Variants in SMG7 observed in about 807,000 individuals in gnomAD.
SMG7 encodes the protein SMG7 nonsense mediated mRNA decay factor.
Under a neutral mutation model 148.2 loss-of-function variants are expected in SMG7, and 34 were observed. The observed-to-expected ratio is 0.23, with a 90% CI of 0.17 to 0.31. The LOEUF is 0.31. Ranked by LOEUF, SMG7 falls within the 10% of genes least tolerant of loss-of-function variation. The pLI, the probability that SMG7 is intolerant of heterozygous loss-of-function variation, is 1.00. For synonymous variants in SMG7, 492 were observed against 515.1 expected (o/e 0.96, Z 0.61); for missense variants, 1,114 against 1,408.4 (o/e 0.79, Z 3.35).
chr1:183,477,330 T>G (rs927843893), intron 1 of SMG7, among the ~76,000 whole-genome samples: 1 of 152,196 alleles, frequency 6.6e-6, no homozygotes, highest in African/African-American at 2.4e-5. Context: ...TTCAGTGAGA[T>G]CCACTTGAAG....
At chr1:183,478,758 G>A (rs556110752) in intron 1 of SMG7, among the ~76,000 whole-genome samples, 1 of 152,156 alleles carries the variant, frequency 6.6e-6, no homozygotes. Context: ...TCAAATTTTT[G>A]TATTAGTGTC....
At chr1:183,549,019 C>T (rs1398065130) in intron 18 of SMG7, 189 bp from the exon 19 acceptor site, 9 of 587,512 alleles carry the variant, frequency 1.5e-5, no homozygotes, top group Non-Finnish European at 2.4e-5. Flanking sequence ...GGATTCTATG[C>T]ACCTGTGGCA....
chr1:183,505,534 T>G (rs1320772683), intron 1 of SMG7, among the ~76,000 whole-genome samples: 2 of 152,224 alleles, frequency 1.3e-5, no homozygotes, highest in Non-Finnish European at 2.9e-5. Flanking sequence ...TCTCATGGTT[T>G]TAACTGCCAT....
rs1359095261 is a variant in SMG7, at chr1:183,527,988, T to G, written c.517T>G (p.Ser173Ala). ...CAGAAACCAGACCAGCCAGGCAGAG[T>G]CCTACTATAGGCATGCAGCTCAGCT... is the stretch of plus-strand genomic sequence containing the variant. ...RYRNQTSQAE[S>A]YYRHAAQLVP... The change falls in exon 6 of 23, where the codon TCC becomes GCC. Residue 173 changes from serine (S) to alanine (A), a missense_variant. By Grantham distance (99) the Ser-to-Ala change is moderately conservative. Coordinates refer to ENST00000688051, the MANE Select transcript of SMG7 (RefSeq NM_001375584.1). The surrounding 1 kb of genome is among the most constrained non-coding windows in gnomAD (Gnocchi z 4.0). The G allele has an allele frequency of 1.4e-5, 23 of 1,613,354 alleles. No individual in the cohort carries two copies. The highest frequency in any genetic ancestry group is 1.9e-5 in the Non-Finnish European group (23 of 1,179,614).
intron 1 of SMG7, among the ~76,000 whole-genome samples, chr1:183,477,623 C>T (rs1362719568): frequency 1.1e-5 from 1 of 88,432 alleles, no homozygotes; most frequent in Non-Finnish European, 2.3e-5. Context: ...TACGTGTGTG[C>T]ATATGTGTAT....
In SMG7 at chr1:183,545,208, A is replaced by G. The variant is rs776713217; in HGVS notation, c.2266A>G (p.Thr756Ala). ...SLPAQPTAQS[T>A]SQLQVQALTQ... ...ACCAGCTCAGCCAACAGCACAGTCT[A>G]CAAGCCAGCTGCAGGTTCAAGCTCT... Residue 756 changes from threonine (T) to alanine (A), a missense_variant, in exon 16 of 23, where the codon ACA becomes GCA. By Grantham distance (58) the Thr-to-Ala change is moderately conservative. Around this residue, in one of 4 missense-constraint regions of SMG7, gnomAD observed 788 missense variants for 894.5 expected, o/e 0.88. Transcript: ENST00000688051. The G allele has an allele frequency of 6.2e-6, 10 of 1,614,008 alleles. No individual in the cohort carries two copies. The highest frequency in any genetic ancestry group is 1.7e-5 in the Admixed American group (1 of 60,002).
chr1:183,504,490 G>A (rs563821929), intron 1 of SMG7, among the ~76,000 whole-genome samples: 19 of 151,880 alleles, frequency 1.3e-4, no homozygotes, highest in African/African-American at 3.4e-4. Context: ...ACAGGCACCC[G>A]TCACCATGCC....
Position 183,552,360 on chromosome 1 carries a change from G to A in SMG7, c.*429G>A, listed in dbSNP as rs1307034415. On this transcript the variant is annotated 3_prime_UTR_variant, in exon 23 of 23. Coordinates refer to ENST00000688051, the MANE Select transcript of SMG7 (RefSeq NM_001375584.1). ...TCCATTAATGATTGCTTTGCTGACT[G>A]AGAATGTAGTTGAAATTATTCTTAA... 1.0e-6 allele frequency: 1 copy of A among 988,934 alleles called. No homozygotes were observed. Among genetic ancestry groups the A allele is most frequent in the Non-Finnish European group, 1.2e-6 (1 of 833,876 alleles). The allele number at this position is 988,934 out of a possible 1,614,324, so 61.3% of individuals were successfully genotyped here. A position where few individuals can be genotyped will look rare whatever the true frequency, so the allele number is the denominator to read the frequency against.
Position 183,500,585 on chromosome 1 carries a change from A to G in SMG7, c.30-12252A>G, listed in dbSNP as rs1659505622. On this transcript the variant is annotated intron_variant, in intron 1 of 22. Transcript: ENST00000688051. ...TGAATAGGACAGTTTCTAGTGAAGG[A>G]AATGTGTACACAAATAACTTTATTG... Among the ~76,000 whole-genome samples, 3 of 152,310 alleles carry G rather than the reference A, an allele frequency of 2.0e-5. No individual in the cohort carries two copies. In the South Asian group the frequency reaches 6.2e-4, roughly 32 times the overall value.
At chr1:183,541,925 A>G in intron 13 of SMG7, 151 bp from the exon 14 acceptor site, 1 of 649,398 alleles carries the variant, frequency 1.5e-6, no homozygotes, top group Non-Finnish European at 2.6e-6. Flanking sequence ...CTACATAACT[A>G]CTTTTTGTGT....
intron 4 of SMG7, among the ~76,000 whole-genome samples, chr1:183,523,976 T>TA (rs1295612854): frequency 3.3e-5 from 5 of 150,714 alleles, no homozygotes; most frequent in Non-Finnish European, 5.9e-5. Flanking sequence ...CATATATATA[T>TA]TTTTTTTGTT....
chr1:183,552,690 C>T lies in SMG7; in HGVS notation c.*759C>T. 8.3e-7 allele frequency: 1 copy of T among 1,209,132 alleles called. No homozygotes were observed. Among genetic ancestry groups the T allele is most frequent in the African/African-American group, 1.6e-5 (1 of 64,508 alleles). The allele number at this position is 1,209,132 out of a possible 1,614,324, so 74.9% of individuals were successfully genotyped here. ...ATACAGTGTGGGTGGTGGTGCTGGG[C>T]TGGACTAGCAGGTAGACTGCTGTAG... On this transcript the variant is annotated 3_prime_UTR_variant, in exon 23 of 23. Transcript: ENST00000688051.
intron 1 of SMG7, among the ~76,000 whole-genome samples, chr1:183,507,707 C>T (rs1198629361): frequency 6.6e-6 from 1 of 152,106 alleles, no homozygotes; most frequent in Non-Finnish European, 1.5e-5. Flanking sequence ...ACCTATACTA[C>T]CTCTTCTGTA....
chr1:183,491,838 G>T (rs1657113610), intron 1 of SMG7, among the ~76,000 whole-genome samples: 1 of 152,208 alleles, frequency 6.6e-6, no homozygotes, highest in South Asian at 2.1e-4. Context: ...GGCAGGTTCG[G>T]TGCTGGCAAG....
At position 183,552,809 on chromosome 1, in the gene SMG7, G is replaced by A. The variant is rs922537534; in HGVS notation, c.*878G>A. The A allele has an allele frequency of 9.1e-6, 13 of 1,424,874 alleles. No individual in the cohort carries two copies. The highest frequency in any genetic ancestry group is 2.6e-4 in the Middle Eastern group (1 of 3,860). 88.3% of individuals were successfully genotyped at this position (1,424,874 alleles called of 1,614,324 possible). A position where few individuals can be genotyped will look rare whatever the true frequency, so the allele number is the denominator to read the frequency against. On this transcript the variant is annotated 3_prime_UTR_variant, in exon 23 of 23. Coordinates refer to ENST00000688051, the MANE Select transcript of SMG7 (RefSeq NM_001375584.1). The stretch of plus-strand genomic sequence containing the variant: ...GGCTAGTCCATTCACAGCCTGACAC[G>A]TTCTAATAGGTAGAAGCTTTCAGTG...
chr1:183,493,171 T>C (rs139405899), intron 1 of SMG7, among the ~76,000 whole-genome samples: 1,691 of 152,146 alleles, frequency 0.011, 32 homozygotes, highest in African/African-American at 0.039. Flanking sequence ...GATAGGGTCT[T>C]ATTGTATTGC....
intron 1 of SMG7, among the ~76,000 whole-genome samples, chr1:183,475,733 G>T (rs1459669920): frequency 3.3e-5 from 5 of 152,140 alleles, no homozygotes; most frequent in Non-Finnish European, 7.4e-5. Context: ...GCAGAGTGGT[G>T]GTACTTTTAA....
intron 12 of SMG7, among the ~76,000 whole-genome samples, chr1:183,540,676 TTAAAATGA>T (rs1668661843): frequency 6.6e-6 from 1 of 152,228 alleles, no homozygotes; most frequent in South Asian, 2.1e-4. Context: ...AACTTTATTC[TTAAAATGA>T]TAAAAGAATC....
At chr1:183,506,466 GTGTATACGCA>G (rs1439685749) in intron 1 of SMG7, among the ~76,000 whole-genome samples, 3 of 152,062 alleles carry the variant, frequency 2.0e-5, no homozygotes, top group African/African-American at 7.2e-5. Context: ...GTGTGTGTGG[GTGTATACGCA>G]TGTGCACATT....
Sources: allele counts gnomAD v4.1 joint callset (sites outside exome capture counted in the v4.1 genomes callset), GRCh38; gene constraint gnomAD v4.1.1; regional missense constraint gnomAD v4.1.1; non-coding constraint Gnocchi (gnomAD v3.1); transcripts MANE v1.5; gene names NCBI Gene and HGNC (gene_info 2026-07-23, HGNC 2026-07-21).